The following CNTN5 variants were observed in gnomAD, a reference collection of about 807,000 sequenced individuals.
CNTN5 encodes contactin-5.
CNTN5 carries 77 observed loss-of-function variants against 129.1 expected under a neutral mutation model. The observed-to-expected ratio is 0.60, with a 90% CI of 0.50 to 0.72. The LOEUF (loss-of-function observed/expected upper bound fraction) is 0.72. Ranked by LOEUF, CNTN5 falls within the 30% of genes least tolerant of loss-of-function variation. CNTN5 has a pLI of 0.00. For synonymous variants in CNTN5, 509 were observed against 465.6 expected (o/e 1.09, Z -1.20); for missense variants, 1,478 against 1,328.8 (o/e 1.11, Z -1.75).
At chr11:99,325,032 G>T (rs551423355) in intron 1 of CNTN5, among the ~76,000 whole-genome samples, 1 of 152,106 alleles carries the variant, frequency 6.6e-6, no homozygotes, top group Non-Finnish European at 1.5e-5. Context: ...TAAATATTAA[G>T]AAAAGCTTGG....
chr11:99,581,259 G>C (rs1351944701), intron 3 of CNTN5, among the ~76,000 whole-genome samples: 3 of 128,298 alleles, frequency 2.3e-5, no homozygotes, highest in Admixed American at 1.6e-4. Flanking sequence ...CAACTATGTG[G>C]TCAATTTTGG....
chr11:99,858,987 T>C (rs1321955315), intron 6 of CNTN5, among the ~76,000 whole-genome samples: 1 of 151,980 alleles, frequency 6.6e-6, no homozygotes, highest in Admixed American at 6.6e-5. Context: ...CATTTGAACA[T>C]TAGGAAACTG....
At chr11:99,394,999 T>C (rs980255946) in intron 2 of CNTN5, among the ~76,000 whole-genome samples, 1 of 151,660 alleles carries the variant, frequency 6.6e-6, no homozygotes, top group Non-Finnish European at 1.5e-5. Context: ...CTGCAGTGAA[T>C]ATGCACATGT....
chr11:99,462,364 T>TC (rs199796491), intron 2 of CNTN5, among the ~76,000 whole-genome samples: 2 of 147,824 alleles, frequency 1.4e-5, no homozygotes, highest in East Asian at 2.2e-4. Flanking sequence ...TCTTTTCTTT[T>TC]TTTTTTTTTT....
At chr11:100,040,546 T>C (rs896457204) in intron 9 of CNTN5, among the ~76,000 whole-genome samples, 5 of 152,218 alleles carry the variant, frequency 3.3e-5, no homozygotes, top group African/African-American at 1.2e-4. Context: ...TCTTTTTGTT[T>C]GTCTGTGCCC....
intron 13 of CNTN5, among the ~76,000 whole-genome samples, chr11:100,120,610 G>T (rs1487644047): frequency 6.6e-6 from 1 of 151,796 alleles, no homozygotes; most frequent in African/African-American, 2.4e-5. Flanking sequence ...GAAAAAATAA[G>T]AATTTTAGAA....
chr11:99,942,858 C>T (rs979867650), intron 7 of CNTN5, among the ~76,000 whole-genome samples: 1 of 151,972 alleles, frequency 6.6e-6, no homozygotes, highest in South Asian at 2.1e-4. Context: ...GACATGAACT[C>T]ATTCTTTTTT....
chr11:99,928,170 C>A (rs1012604022), intron 7 of CNTN5, among the ~76,000 whole-genome samples: 6 of 152,190 alleles, frequency 3.9e-5, no homozygotes, highest in Non-Finnish European at 8.8e-5. Flanking sequence ...TGGCCTTGGG[C>A]AACTCCGCCC....
chr11:100,162,345 A>G (rs1947483920), intron 13 of CNTN5, among the ~76,000 whole-genome samples: 1 of 151,952 alleles, frequency 6.6e-6, no homozygotes, highest in African/African-American at 2.4e-5. Flanking sequence ...ACTTTATTCT[A>G]TTCACTAAAC....
intron 3 of CNTN5, among the ~76,000 whole-genome samples, chr11:99,680,490 G>C (rs1488007163): frequency 1.3e-5 from 2 of 151,688 alleles, no homozygotes; most frequent in Admixed American, 1.3e-4. Context: ...TCTGTTTATA[G>C]CATGGTTTAC....
At chr11:99,743,804 T>C (rs1189297925) in intron 3 of CNTN5, among the ~76,000 whole-genome samples, 1 of 152,202 alleles carries the variant, frequency 6.6e-6, no homozygotes, top group African/African-American at 2.4e-5. Flanking sequence ...CAGTGAAATC[T>C]TAAGAGATTC....
At chr11:99,254,333 G>A (rs1410816295) in intron 1 of CNTN5, among the ~76,000 whole-genome samples, 1 of 151,854 alleles carries the variant, frequency 6.6e-6, no homozygotes, top group Non-Finnish European at 1.5e-5. Context: ...TTGCTTTCAC[G>A]AAATAGGGTG....
chr11:100,263,673 C>A (rs754779428), intron 17 of CNTN5, among the ~76,000 whole-genome samples: 8 of 152,106 alleles, frequency 5.3e-5, no homozygotes, highest in Non-Finnish European at 8.8e-5. Flanking sequence ...CACATTTAAA[C>A]CACATGAGCA....
chr11:99,071,330 C>G (rs1865332416), intron 1 of CNTN5, among the ~76,000 whole-genome samples: 1 of 151,934 alleles, frequency 6.6e-6, no homozygotes, highest in African/African-American at 2.4e-5. Context: ...TTCTAGAAAT[C>G]CCAGTGCTGA....
At chr11:99,162,709 C>T (rs911909554) in intron 1 of CNTN5, among the ~76,000 whole-genome samples, 4 of 152,156 alleles carry the variant, frequency 2.6e-5, no homozygotes, top group African/African-American at 7.2e-5. Flanking sequence ...GTAGATATTA[C>T]TTGACTTAGG....
At chr11:99,357,308 T>C (rs1938745995) in intron 2 of CNTN5, among the ~76,000 whole-genome samples, 1 of 152,176 alleles carries the variant, frequency 6.6e-6, no homozygotes, top group East Asian at 1.9e-4. Flanking sequence ...AGCGTATACC[T>C]GAGATCCAAT....
chr11:99,493,053 GAAAGA>G (rs1298349692), intron 2 of CNTN5, among the ~76,000 whole-genome samples: 1 of 152,152 alleles, frequency 6.6e-6, no homozygotes, highest in African/African-American at 2.4e-5. Flanking sequence ...GAGACTGTTT[GAAAGA>G]CCTTCCTGCT....
chr11:99,806,143 T>C (rs1425726693), intron 3 of CNTN5, among the ~76,000 whole-genome samples: 2 of 152,186 alleles, frequency 1.3e-5, no homozygotes, highest in Admixed American at 1.3e-4. Flanking sequence ...TTAAATTCAT[T>C]CCTTATTAAT....
intron 21 of CNTN5, chr11:100,309,003 T>TA: frequency 2.0e-6 from 2 of 984,930 alleles, no homozygotes; most frequent in Non-Finnish European, 2.4e-6. Flanking sequence ...ATCAAATGAA[T>TA]AACATCAATG....
Sources: allele counts gnomAD v4.1 joint callset (sites outside exome capture counted in the v4.1 genomes callset), GRCh38; gene constraint gnomAD v4.1.1; transcripts MANE v1.5; gene names NCBI Gene and HGNC (gene_info 2026-07-23, HGNC 2026-07-21).